DLGAP2: variants seen among roughly 807,000 people sequenced by gnomAD.
DLGAP2 encodes the protein DLG associated protein 2, also known as disks large-associated protein 2.
A neutral mutation model predicts 100.3 loss-of-function variants in DLGAP2; 26 were observed. The observed-to-expected ratio is 0.26, with a 90% CI of 0.19 to 0.36. DLGAP2 has a LOEUF of 0.36. DLGAP2 is among the 10% of genes least tolerant of loss of function. The pLI is 1.00. For missense variants in DLGAP2, 1,858 were observed against 1,453.2 expected, an observed-to-expected ratio of 1.28 and a Z score of -4.53; for synonymous variants, 886 against 630.1, an observed-to-expected ratio of 1.41 and a Z score of -6.08.
rs185501614 is a variant in DLGAP2 at position 1,270,905 on chromosome 8, G to C, written c.106+12022G>C. Reference sequence around the variant, plus strand: ...TTTCTAGATGTTCTTCGTAAATTTGGTTTCCACGACTGTATACACCGTTGA... The same window carrying C: ...TTTCTAGATGTTCTTCGTAAATTTGCTTTCCACGACTGTATACACCGTTGA... On this transcript the variant is annotated intron_variant, in intron 3 of 14. Coordinates refer to ENST00000637795, the MANE Select transcript of DLGAP2 (RefSeq NM_001346810.2). Among the ~76,000 whole-genome samples the C allele has an allele frequency of 8.7e-4, 132 of 152,110 alleles. 3 individuals are homozygous for C. The highest frequency in any genetic ancestry group is 2.2e-4 in the Non-Finnish European group (15 of 67,990).
At chr8:1,207,630 A>G (rs1034987902) in intron 2 of DLGAP2, among the ~76,000 whole-genome samples, 1 of 152,184 alleles carries the variant, frequency 6.6e-6, no homozygotes, top group African/African-American at 2.4e-5. Context: ...TTAGTTCTTT[A>G]AGGAGTCTCC....
chr8:1,259,010 G>A, intron 3 of DLGAP2, 127 bp downstream of exon 3: 2 of 774,656 alleles, frequency 2.6e-6, no homozygotes, highest in Non-Finnish European at 3.5e-6. Context: ...TCTGTGTGCT[G>A]TTTGATAGGA....
chr8:1,367,001 G>A (rs1018212390), intron 3 of DLGAP2, among the ~76,000 whole-genome samples: 1 of 151,002 alleles, frequency 6.6e-6, no homozygotes, highest in Non-Finnish European at 1.5e-5. Context: ...GTAAATAACA[G>A]TGTTAACATT....
chr8:1,173,551 C>A (rs1010338509), intron 2 of DLGAP2, among the ~76,000 whole-genome samples: 1 of 152,160 alleles, frequency 6.6e-6, no homozygotes, highest in Non-Finnish European at 1.5e-5. Flanking sequence ...TGGAGCTTCC[C>A]GGTTGCTTTG....
At chr8:1,495,874 C>G (rs1033912819) in intron 3 of DLGAP2, among the ~76,000 whole-genome samples, 1 of 152,200 alleles carries the variant, frequency 6.6e-6, no homozygotes, top group African/African-American at 2.4e-5. Flanking sequence ...CTGCAAAGCA[C>G]ACGACAGCCC....
At position 743,837 on chromosome 8, in the gene DLGAP2, T is replaced by C. The variant is rs776542694; in HGVS notation, c.18+6012T>C. On this transcript the variant is annotated intron_variant, in intron 1 of 14. Coordinates refer to ENST00000637795, the MANE Select transcript of DLGAP2 (RefSeq NM_001346810.2). ...ACCCCAGCCTCCCAAAATGTTGCGA[T>C]TGTGGGCATGGGCCACTGCGCGATG... Among the ~76,000 whole-genome samples the C allele has an allele frequency of 2.6e-5, 4 of 152,266 alleles. 1 individual carries two copies. Among genetic ancestry groups the C allele is most frequent in the African/African-American group, 4.8e-5 (2 of 41,480 alleles).
intron 7 of DLGAP2, among the ~76,000 whole-genome samples, chr8:1,631,408 C>T (rs1162470632): frequency 2.6e-5 from 4 of 152,134 alleles, no homozygotes; most frequent in African/African-American, 4.8e-5. Context: ...ATGACACAAT[C>T]TAAGACTTTT....
At chr8:744,692 C>T (rs1203223130) in intron 1 of DLGAP2, among the ~76,000 whole-genome samples, 1 of 152,014 alleles carries the variant, frequency 6.6e-6, no homozygotes, top group Non-Finnish European at 1.5e-5. Context: ...CCACGTCGCC[C>T]TCCCGGGGTG....
intron 3 of DLGAP2, among the ~76,000 whole-genome samples, chr8:1,447,244 C>G (rs527952057): frequency 6.6e-6 from 1 of 152,192 alleles, no homozygotes; most frequent in Admixed American, 6.5e-5. Flanking sequence ...ATAGATAGCT[C>G]TTATTATTTT....
intron 1 of DLGAP2, among the ~76,000 whole-genome samples, chr8:782,383 C>T (rs139200700): frequency 1.6e-4 from 25 of 152,022 alleles, no homozygotes; most frequent in African/African-American, 5.8e-4. Flanking sequence ...GAATTGATGA[C>T]ATATTATATT....
At chr8:1,031,362 GA>G (rs1163573118) in intron 2 of DLGAP2, among the ~76,000 whole-genome samples, 2 of 152,130 alleles carry the variant, frequency 1.3e-5, no homozygotes, top group Admixed American at 1.3e-4. Context: ...AAGCCCTGAG[GA>G]CTGACATCGA....
At chr8:1,451,593 C>G (rs895132664) in intron 3 of DLGAP2, among the ~76,000 whole-genome samples, 2 of 152,138 alleles carry the variant, frequency 1.3e-5, no homozygotes, top group African/African-American at 2.4e-5. Flanking sequence ...TGTTCCGCCT[C>G]CATCACATGT....
intron 5 of DLGAP2, among the ~76,000 whole-genome samples, chr8:1,560,192 C>A (rs1350065959): frequency 6.6e-6 from 1 of 152,198 alleles, no homozygotes; most frequent in East Asian, 1.9e-4. Context: ...CCCTGTTTCA[C>A]ATCTTCTGGC....
At chr8:1,554,017 G>A (rs1432829241) in intron 5 of DLGAP2, among the ~76,000 whole-genome samples, 1 of 152,230 alleles carries the variant, frequency 6.6e-6, no homozygotes, top group Non-Finnish European at 1.5e-5. Flanking sequence ...GCCAGGCACG[G>A]TGGCTCACAC....
chr8:1,506,319 C>T (rs527438103), intron 4 of DLGAP2, among the ~76,000 whole-genome samples: 10 of 152,250 alleles, frequency 6.6e-5, no homozygotes, highest in East Asian at 5.8e-4. Flanking sequence ...ATAGAAATAG[C>T]GGAAGTGTAT....
chr8:1,601,755 C>G (rs943895309), intron 6 of DLGAP2, among the ~76,000 whole-genome samples: 1 of 152,138 alleles, frequency 6.6e-6, no homozygotes, highest in African/African-American at 2.4e-5. Flanking sequence ...CTCAAATGCT[C>G]AGAGCTCTCT....
At chr8:1,176,299 G>C (rs112120647) in intron 2 of DLGAP2, among the ~76,000 whole-genome samples, 4,037 of 152,180 alleles carry the variant, frequency 0.027, 220 homozygotes, top group African/African-American at 0.092. Context: ...CCGTCCCTGT[G>C]ATCCAGACAC....
chr8:1,651,865 C>T (rs1042453311), intron 8 of DLGAP2, among the ~76,000 whole-genome samples: 8 of 152,134 alleles, frequency 5.3e-5, no homozygotes, highest in Non-Finnish European at 5.9e-5. Context: ...TGTGACCACC[C>T]GAGGCAAGCC....
At chr8:1,142,566 G>T (rs888117275) in intron 2 of DLGAP2, among the ~76,000 whole-genome samples, 1 of 152,190 alleles carries the variant, frequency 6.6e-6, no homozygotes, top group Non-Finnish European at 1.5e-5. Context: ...CTGACGTGAA[G>T]AGCTGAAAAG....
Sources: allele counts gnomAD v4.1 joint callset (sites outside exome capture counted in the v4.1 genomes callset), GRCh38; gene constraint gnomAD v4.1.1; transcripts MANE v1.5; gene names NCBI Gene and HGNC (gene_info 2026-07-23, HGNC 2026-07-21).